FBXL7: variants seen among roughly 807,000 people sequenced by gnomAD.
The protein encoded by FBXL7 is F-box and leucine rich repeat protein 7.
FBXL7 carries 12 observed loss-of-function variants against 38.3 expected under a neutral mutation model. The ratio of observed to expected loss-of-function variants is 0.31; its 90% confidence interval spans 0.20 to 0.51. FBXL7 has a LOEUF of 0.51. Ranked by LOEUF, FBXL7 falls within the 20% of genes least tolerant of loss-of-function variation. FBXL7 has a pLI of 0.98. For missense variants in FBXL7, 567 were observed against 676.4 expected, an observed-to-expected ratio of 0.84 and a Z score of 1.79; for synonymous variants, 297 against 300.9, an observed-to-expected ratio of 0.99 and a Z score of 0.13.
chr5:15,935,088 A>G, intron 3 of FBXL7: 1 of 517,834 alleles, frequency 1.9e-6, no homozygotes, highest in Non-Finnish European at 4.1e-6. Context: ...TCCAGTGCTC[A>G]GAGGCTGGAG....
chr5:15,795,788 C>A (rs1008803499), intron 2 of FBXL7, among the ~76,000 whole-genome samples: 1 of 152,106 alleles, frequency 6.6e-6, no homozygotes, highest in Non-Finnish European at 1.5e-5. Context: ...TAAGCACACA[C>A]CTTACATATG....
intron 1 of FBXL7, among the ~76,000 whole-genome samples, chr5:15,514,895 G>A (rs1339650405): frequency 6.6e-6 from 1 of 152,178 alleles, no homozygotes; most frequent in East Asian, 1.9e-4. Context: ...ATTCTGAAGG[G>A]TCATTTTGGG....
intron 2 of FBXL7, among the ~76,000 whole-genome samples, chr5:15,906,915 A>G (rs1213434103): frequency 6.5e-4 from 1 of 1,544 alleles, no homozygotes; most frequent in African/African-American, 3.6e-3. Context: ...CCAGTCTATC[A>G]TTGTTGGACA....
intron 2 of FBXL7, among the ~76,000 whole-genome samples, chr5:15,788,919 C>T (rs987815414): frequency 2.5e-4 from 37 of 147,354 alleles, no homozygotes; most frequent in Middle Eastern, 3.6e-3. Flanking sequence ...GGTGTGATCT[C>T]GGCTCACTGC....
chr5:15,755,187 G>GAA (rs1284984557), intron 2 of FBXL7, among the ~76,000 whole-genome samples: 1 of 152,082 alleles, frequency 6.6e-6, no homozygotes, highest in Non-Finnish European at 1.5e-5. Flanking sequence ...TGTAAGCCTT[G>GAA]AAAAAGGCTC....
At chr5:15,919,191 G>A (rs1741677249) in intron 2 of FBXL7, among the ~76,000 whole-genome samples, 3 of 152,190 alleles carry the variant, frequency 2.0e-5, no homozygotes, top group Non-Finnish European at 4.4e-5. Flanking sequence ...GGAAGATGAA[G>A]AGGAGCTTTG....
intron 2 of FBXL7, among the ~76,000 whole-genome samples, chr5:15,860,909 A>G (rs961334350): frequency 2.6e-5 from 4 of 152,310 alleles, no homozygotes; most frequent in East Asian, 3.9e-4. Context: ...GCCAAGGTCA[A>G]ACAGCTGGTT....
chr5:15,532,737 C>A (rs1218537373), intron 1 of FBXL7, among the ~76,000 whole-genome samples: 1 of 152,214 alleles, frequency 6.6e-6, no homozygotes, highest in Non-Finnish European at 1.5e-5. Context: ...AGAACTTTGG[C>A]TTCCATGACT....
At chr5:15,857,920 TTGTC>T (rs1739319129) in intron 2 of FBXL7, among the ~76,000 whole-genome samples, 1 of 152,168 alleles carries the variant, frequency 6.6e-6, no homozygotes, top group South Asian at 2.1e-4. Flanking sequence ...ATGTGTATGT[TTGTC>T]ATGTCTCTAT....
chr5:15,667,694 C>T (rs1444971043), intron 2 of FBXL7, among the ~76,000 whole-genome samples: 1 of 152,174 alleles, frequency 6.6e-6, no homozygotes, highest in African/African-American at 2.4e-5. Context: ...GCCTACTTCT[C>T]TTCTGTTCAT....
intron 2 of FBXL7, among the ~76,000 whole-genome samples, chr5:15,890,262 G>GT (rs796727732): frequency 5.9e-5 from 9 of 151,442 alleles, no homozygotes; most frequent in South Asian, 2.1e-4. Flanking sequence ...TTGTTTTTTT[G>GT]TTTTTTTTAA....
At chr5:15,912,610 G>C (rs1188671083) in intron 2 of FBXL7, among the ~76,000 whole-genome samples, 1 of 151,926 alleles carries the variant, frequency 6.6e-6, no homozygotes, top group African/African-American at 2.4e-5. Context: ...CTCCACAACT[G>C]AATTTCCAAA....
rs184415516 is a variant in FBXL7, at chr5:15,580,833, G to A, written c.38-35150G>A. On this transcript the variant is annotated intron_variant, in intron 1 of 3. Transcript: ENST00000504595. ...CCCAGGTGAGCAGAGTCATGGGCCT[G>A]GAGACTATCCCAGCGACACTGGTTG... is the stretch of plus-strand genomic sequence containing the variant. The A allele has an allele frequency of 5.7e-4, 560 of 984,892 alleles. 4 individuals carry two copies. The highest frequency in any genetic ancestry group is 1.6e-3 in the Middle Eastern group (3 of 1,914). The allele number at this position is 984,892 out of a possible 1,614,324, so 61.0% of individuals were successfully genotyped here. A position where few individuals can be genotyped will look rare whatever the true frequency, so the allele number is the denominator to read the frequency against.
chr5:15,784,480 T>A (rs1018628086), intron 2 of FBXL7, among the ~76,000 whole-genome samples: 1 of 152,164 alleles, frequency 6.6e-6, no homozygotes, highest in Non-Finnish European at 1.5e-5. Flanking sequence ...TGTAAGAATA[T>A]TGATATGGTT....
At chr5:15,700,415 G>T (rs1005776347) in intron 2 of FBXL7, among the ~76,000 whole-genome samples, 1 of 152,164 alleles carries the variant, frequency 6.6e-6, no homozygotes, top group Non-Finnish European at 1.5e-5. Flanking sequence ...GTAGGCTTCT[G>T]CATGGAACCA....
chr5:15,612,794 T>G (rs1171736727), intron 1 of FBXL7, among the ~76,000 whole-genome samples: 1 of 152,076 alleles, frequency 6.6e-6, no homozygotes, highest in African/African-American at 2.4e-5. Context: ...TAGAGGAAAG[T>G]GATATGCAGG....
chr5:15,829,079 C>G (rs546660820), intron 2 of FBXL7, among the ~76,000 whole-genome samples: 1 of 152,130 alleles, frequency 6.6e-6, no homozygotes, highest in Non-Finnish European at 1.5e-5. Context: ...GTCACTGCCC[C>G]GCATTATTAG....
intron 1 of FBXL7, among the ~76,000 whole-genome samples, chr5:15,504,429 C>T (rs879636347): frequency 2.0e-5 from 3 of 152,194 alleles, no homozygotes; most frequent in African/African-American, 7.2e-5. Context: ...CACGAACTCC[C>T]GCCTCCTCTT....
chr5:15,702,933 G>T (rs1743574241), intron 2 of FBXL7, among the ~76,000 whole-genome samples: 2 of 152,140 alleles, frequency 1.3e-5, no homozygotes, highest in African/African-American at 4.8e-5. Context: ...TGGCGGGCAG[G>T]AGTGGGGGTC....
Sources: allele counts gnomAD v4.1 joint callset (sites outside exome capture counted in the v4.1 genomes callset), GRCh38; gene constraint gnomAD v4.1.1; transcripts MANE v1.5; gene names NCBI Gene and HGNC (gene_info 2026-07-23, HGNC 2026-07-21).